PLCB1: variants seen among roughly 807,000 people sequenced by gnomAD.
PLCB1 encodes the protein phospholipase C beta 1, also known as 1-phosphatidylinositol 4,5-bisphosphate phosphodiesterase beta-1.
A neutral mutation model predicts 161.8 loss-of-function variants in PLCB1; 46 were observed. That is an observed-to-expected ratio of 0.28 (90% confidence interval 0.22 to 0.36). The LOEUF (loss-of-function observed/expected upper bound fraction) is 0.36, where lower values mean the gene tolerates loss of function less well. Among genes scored for constraint, PLCB1 ranks in the 10% least tolerant of loss-of-function variants. PLCB1 has a pLI of 1.00. For missense variants in PLCB1, 1,016 were observed against 1,472.5 expected (o/e 0.69, Z 5.07); for synonymous variants, 517 against 503.7 (o/e 1.03, Z -0.35).
At chr20:8,334,469 C>T (rs545820455) in intron 2 of PLCB1, among the ~76,000 whole-genome samples, 1 of 152,164 alleles carries the variant, frequency 6.6e-6, no homozygotes, top group South Asian at 2.1e-4. Context: ...ATAAATGTGA[C>T]AAAAATAACT....
intron 9 of PLCB1, among the ~76,000 whole-genome samples, chr20:8,662,436 ATTATGTG>A (rs1989696938): frequency 2.7e-5 from 3 of 110,144 alleles, no homozygotes; most frequent in Admixed American, 1.1e-4. Context: ...TTATTATATA[ATTATGTG>A]TTATGTATAA....
chr20:8,700,819 C>G (rs1267995633), intron 11 of PLCB1, among the ~76,000 whole-genome samples: 1 of 151,984 alleles, frequency 6.6e-6, no homozygotes, highest in African/African-American at 2.4e-5. Flanking sequence ...TCCAGCTATT[C>G]CTCCTGCTAA....
intron 3 of PLCB1, among the ~76,000 whole-genome samples, chr20:8,503,578 G>A (rs1600111551): frequency 6.6e-6 from 1 of 151,964 alleles, no homozygotes; most frequent in East Asian, 1.9e-4. Flanking sequence ...ACCCTATACA[G>A]TCATATGTAC....
chr20:8,298,324 G>T (rs944076091), intron 2 of PLCB1, among the ~76,000 whole-genome samples: 12 of 149,350 alleles, frequency 8.0e-5, no homozygotes, highest in African/African-American at 2.7e-4. Context: ...GCAAGAACTT[G>T]AATCAAGAAT....
chr20:8,774,910 G>T (rs1398445026), intron 27 of PLCB1, among the ~76,000 whole-genome samples, 191 bp downstream of exon 27: 1 of 152,200 alleles, frequency 6.6e-6, no homozygotes, highest in East Asian at 1.9e-4. Flanking sequence ...TCTTTACCAA[G>T]CTTCTCTGTC....
chr20:8,468,900 T>A (rs967477421), intron 3 of PLCB1, among the ~76,000 whole-genome samples: 1 of 152,134 alleles, frequency 6.6e-6, no homozygotes, highest in Non-Finnish European at 1.5e-5. Flanking sequence ...TCAGGAAATA[T>A]TAGAGAGAGT....
chr20:8,693,396 A>G (rs543953346), intron 10 of PLCB1, among the ~76,000 whole-genome samples: 2 of 152,314 alleles, frequency 1.3e-5, no homozygotes, highest in Non-Finnish European at 2.9e-5. Context: ...GGCAGATACC[A>G]TGTAATTGAG....
At chr20:8,445,348 G>A (rs1222549091) in intron 3 of PLCB1, among the ~76,000 whole-genome samples, 6 of 152,316 alleles carry the variant, frequency 3.9e-5, no homozygotes, top group African/African-American at 1.4e-4. Context: ...TCAAAGATCA[G>A]ATGGTTGTAA....
chr20:8,724,861 T>C (rs2123482992), intron 16 of PLCB1, 109 bp downstream of exon 16: 1 of 640,550 alleles, frequency 1.6e-6, no homozygotes, highest in East Asian at 2.8e-5. Context: ...ATTTATGCTT[T>C]TGAAGTCTTA....
chr20:8,727,557 A>C (rs1980008268), intron 17 of PLCB1, among the ~76,000 whole-genome samples, 164 bp downstream of exon 17: 1 of 152,100 alleles, frequency 6.6e-6, no homozygotes. Flanking sequence ...TGGGCGGGGT[A>C]GTCTGGCCTA....
intron 3 of PLCB1, among the ~76,000 whole-genome samples, chr20:8,380,363 T>G (rs150229534): frequency 5.0e-4 from 76 of 152,344 alleles, no homozygotes; most frequent in African/African-American, 1.8e-3. Context: ...TGTAGTATAG[T>G]TTGAAGTCAG....
At chr20:8,202,802 T>C (rs946281327) in intron 2 of PLCB1, among the ~76,000 whole-genome samples, 1 of 152,134 alleles carries the variant, frequency 6.6e-6, no homozygotes, top group Non-Finnish European at 1.5e-5. Context: ...TCATCAACAA[T>C]GTGTCGAGGG....
chr20:8,796,618 G>A (rs1984038085), intron 31 of PLCB1, among the ~76,000 whole-genome samples: 1 of 152,022 alleles, frequency 6.6e-6, no homozygotes, highest in African/African-American at 2.4e-5. Flanking sequence ...TGTTTGTTCT[G>A]TAGAAGAAAA....
At chr20:8,610,035 C>T (rs1987862197) in intron 3 of PLCB1, among the ~76,000 whole-genome samples, 1 of 152,100 alleles carries the variant, frequency 6.6e-6, no homozygotes, top group African/African-American at 2.4e-5. Context: ...AAAGAAACCC[C>T]CTACCCATTA....
At chr20:8,454,598 T>C (rs575809323) in intron 3 of PLCB1, among the ~76,000 whole-genome samples, 109 of 152,246 alleles carry the variant, frequency 7.2e-4, no homozygotes, top group African/African-American at 2.6e-3. Flanking sequence ...TCACTGGTTA[T>C]TGGGCTGAGC....
At chr20:8,556,189 T>C (rs947287899) in intron 3 of PLCB1, among the ~76,000 whole-genome samples, 1 of 152,022 alleles carries the variant, frequency 6.6e-6, no homozygotes, top group Non-Finnish European at 1.5e-5. Flanking sequence ...TCTCTATGGG[T>C]ACCTGATTCT....
At chr20:8,816,595 CA>C (rs961949774) in intron 31 of PLCB1, among the ~76,000 whole-genome samples, 1 of 152,072 alleles carries the variant, frequency 6.6e-6, no homozygotes, top group Non-Finnish European at 1.5e-5. Flanking sequence ...TTCTAAAAGG[CA>C]AAACAAATTC....
At chr20:8,434,951 C>T (rs1214251471) in intron 3 of PLCB1, among the ~76,000 whole-genome samples, 4 of 152,184 alleles carry the variant, frequency 2.6e-5, no homozygotes, top group East Asian at 1.9e-4. Context: ...CTCTCATGCA[C>T]GTAGACAATC....
chr20:8,488,867 C>T (rs1345861324), intron 3 of PLCB1, among the ~76,000 whole-genome samples: 1 of 152,166 alleles, frequency 6.6e-6, no homozygotes, highest in Admixed American at 6.5e-5. Flanking sequence ...GATTTAATGA[C>T]TTTATCCTGG....
Sources: gnomAD v4.1 joint callset for allele counts (sites outside exome capture counted in the v4.1 genomes callset) on GRCh38, gnomAD v4.1.1 for gene constraint, MANE v1.5 for transcripts, NCBI Gene and HGNC (gene_info 2026-07-23, HGNC 2026-07-21) for gene names.